The following KCNMB2 variants were observed in gnomAD, a reference collection of about 807,000 sequenced individuals.
KCNMB2 encodes potassium calcium-activated channel subfamily M regulatory beta subunit 2, also known as calcium-activated potassium channel subunit beta-2.
Under a neutral mutation model 24.5 loss-of-function variants are expected in KCNMB2, and 9 were observed. The ratio of observed to expected loss-of-function variants is 0.37; its 90% CI spans 0.22 to 0.64. The LOEUF is 0.64. Ranked by LOEUF, KCNMB2 falls within the 30% of genes least tolerant of loss-of-function variation. The pLI, the probability that KCNMB2 is intolerant of heterozygous loss-of-function variation, is 0.63. For missense variants in KCNMB2, 226 were observed against 284.3 expected, an observed-to-expected ratio of 0.79 and a Z score of 1.47; for synonymous variants, 109 against 104.4, an observed-to-expected ratio of 1.04 and a Z score of -0.27.
At chr3:178,658,888 G>T (rs1720431562) in intron 1 of KCNMB2, among the ~76,000 whole-genome samples, 1 of 152,150 alleles carries the variant, frequency 6.6e-6, no homozygotes, top group South Asian at 2.1e-4. Flanking sequence ...ATTAAGTCTG[G>T]CATGCACAGT....
chr3:178,624,594 CTT>C (rs770228080), intron 1 of KCNMB2, among the ~76,000 whole-genome samples: 1 of 44,188 alleles, frequency 2.3e-5, no homozygotes, highest in Non-Finnish European at 4.2e-5. Flanking sequence ...TTCTTTTTTT[CTT>C]TCTTTTTTTT....
At chr3:178,581,563 C>A (rs1717205201) in intron 1 of KCNMB2, among the ~76,000 whole-genome samples, 1 of 152,198 alleles carries the variant, frequency 6.6e-6, no homozygotes, top group Non-Finnish European at 1.5e-5. Flanking sequence ...AAGAAACTAT[C>A]ATCAGAGTGG....
chr3:178,550,133 T>C (rs1715900018), intron 1 of KCNMB2, among the ~76,000 whole-genome samples: 1 of 152,102 alleles, frequency 6.6e-6, no homozygotes, highest in African/African-American at 2.4e-5. Flanking sequence ...AGAGATTCTT[T>C]GTCTAATATT....
intron 1 of KCNMB2, among the ~76,000 whole-genome samples, chr3:178,761,763 A>G (rs1443147135): frequency 6.6e-6 from 1 of 152,238 alleles, no homozygotes; most frequent in African/African-American, 2.4e-5. Flanking sequence ...TAAAAAAAAT[A>G]TAGACAATGT....
chr3:178,783,104 A>G (rs1712939975), intron 1 of KCNMB2, among the ~76,000 whole-genome samples: 1 of 151,250 alleles, frequency 6.6e-6, no homozygotes, highest in Non-Finnish European at 1.5e-5. Context: ...ATAGTTGTAG[A>G]TATACGGCGT....
chr3:178,593,338 C>T (rs1560122581), intron 1 of KCNMB2, among the ~76,000 whole-genome samples: 1 of 152,038 alleles, frequency 6.6e-6, no homozygotes, highest in Non-Finnish European at 1.5e-5. Context: ...AGTCATATAT[C>T]ACCTGACTCA....
intron 1 of KCNMB2, among the ~76,000 whole-genome samples, chr3:178,693,358 C>T (rs1721753667): frequency 6.6e-6 from 1 of 152,128 alleles, no homozygotes; most frequent in African/African-American, 2.4e-5. Context: ...CCAGCTTTTG[C>T]CCATTCAGTA....
chr3:178,558,297 C>G (rs765765877), intron 1 of KCNMB2, among the ~76,000 whole-genome samples: 20 of 152,186 alleles, frequency 1.3e-4, no homozygotes, highest in Non-Finnish European at 2.8e-4. Flanking sequence ...TGCAATCCTA[C>G]AGAATCAGCA....
intron 1 of KCNMB2, among the ~76,000 whole-genome samples, chr3:178,574,961 G>A (rs866020091): frequency 3.3e-5 from 5 of 152,016 alleles, no homozygotes; most frequent in East Asian, 1.9e-4. Context: ...CCAGCTACTC[G>A]GGAGGCTAAG....
At chr3:178,564,265 G>A (rs1236531630) in intron 1 of KCNMB2, among the ~76,000 whole-genome samples, 1 of 134,420 alleles carries the variant, frequency 7.4e-6, no homozygotes, top group Non-Finnish European at 1.6e-5. Context: ...GCGACAGAGC[G>A]AGACTCCATC....
intron 1 of KCNMB2, among the ~76,000 whole-genome samples, chr3:178,744,864 A>G (rs1366291072): frequency 6.6e-6 from 1 of 152,170 alleles, no homozygotes; most frequent in Non-Finnish European, 1.5e-5. Context: ...TGCCTGCTCT[A>G]CATTCTTCTT....
At chr3:178,774,952 A>G (rs1712520459) in intron 1 of KCNMB2, among the ~76,000 whole-genome samples, 1 of 152,190 alleles carries the variant, frequency 6.6e-6, no homozygotes, top group Non-Finnish European at 1.5e-5. Flanking sequence ...GAGGTTGCAA[A>G]AGAGTTCAAC....
chr3:178,694,682 AT>A (rs1316993234), intron 1 of KCNMB2, among the ~76,000 whole-genome samples: 1 of 152,220 alleles, frequency 6.6e-6, no homozygotes, highest in African/African-American at 2.4e-5. Flanking sequence ...AAGTTCCAAA[AT>A]GATCTCTTTT....
chr3:178,619,890 C>T (rs1391823988), intron 1 of KCNMB2, among the ~76,000 whole-genome samples: 1 of 152,162 alleles, frequency 6.6e-6, no homozygotes, highest in Non-Finnish European at 1.5e-5. Flanking sequence ...ATTCTTACCC[C>T]TATACACTCC....
chr3:178,544,304 C>T (rs1178242064), intron 1 of KCNMB2, among the ~76,000 whole-genome samples: 1 of 152,162 alleles, frequency 6.6e-6, no homozygotes, highest in Non-Finnish European at 1.5e-5. Flanking sequence ...TTCCCAGGCC[C>T]ACATCAGATG....
chr3:178,645,383 C>G (rs990381721), intron 1 of KCNMB2, among the ~76,000 whole-genome samples: 1 of 152,104 alleles, frequency 6.6e-6, no homozygotes, highest in Non-Finnish European at 1.5e-5. Flanking sequence ...TCTCTCCTTG[C>G]CTTTTGTACT....
In KCNMB2 at chr3:178,843,043, C is replaced by T. The variant is rs1715484786; in HGVS notation, c.*106C>T. The T allele has an allele frequency of 2.3e-6, 2 of 859,046 alleles. No individual in the cohort carries two copies. Among genetic ancestry groups the T allele is most frequent in the Non-Finnish European group, 1.8e-6 (1 of 552,302 alleles). 53.2% of individuals were successfully genotyped at this position (859,046 alleles called of 1,614,324 possible). Reference sequence around the variant, plus strand: ...TAACGTGCAGTCTGTTATGAGTTCCCTAATATATTCTTATATGTAGAGCAA... The same window carrying T: ...TAACGTGCAGTCTGTTATGAGTTCCTTAATATATTCTTATATGTAGAGCAA... On this transcript the variant is annotated 3_prime_UTR_variant, in exon 5 of 5. Transcript: ENST00000452583.
intron 1 of KCNMB2, among the ~76,000 whole-genome samples, chr3:178,734,953 C>A (rs1394831868): frequency 6.6e-6 from 1 of 152,194 alleles, no homozygotes; most frequent in Non-Finnish European, 1.5e-5. Flanking sequence ...TAAATCTCTG[C>A]CACAATTAGC....
intron 1 of KCNMB2, among the ~76,000 whole-genome samples, chr3:178,729,953 A>G (rs952124370): frequency 6.6e-6 from 1 of 152,166 alleles, no homozygotes; most frequent in Non-Finnish European, 1.5e-5. Flanking sequence ...GGCTCTCTTC[A>G]TTGTAGTCAC....
Sources: allele counts gnomAD v4.1 joint callset (sites outside exome capture counted in the v4.1 genomes callset), GRCh38; gene constraint gnomAD v4.1.1; transcripts MANE v1.5; gene names NCBI Gene and HGNC (gene_info 2026-07-23, HGNC 2026-07-21).